STK33: variants seen among roughly 807,000 people sequenced by gnomAD.
STK33 encodes serine/threonine-protein kinase 33.
Under a neutral mutation model 58.0 loss-of-function variants are expected in STK33, and 52 were observed. That is an observed-to-expected ratio of 0.90 (90% CI 0.72 to 1.13). The LOEUF is 1.13. STK33 is among the 50% of genes most tolerant of loss of function. STK33 has a pLI of 0.00. For missense variants in STK33, 630 were observed against 604.2 expected, an observed-to-expected ratio of 1.04 and a Z score of -0.45; for synonymous variants, 215 against 200.1, an observed-to-expected ratio of 1.07 and a Z score of -0.63.
At chr11:8,355,396 G>A in the STK33 span, among the ~76,000 whole-genome samples, 4 of 152,264 alleles carry the variant, frequency 2.6e-5, no homozygotes, top group African/African-American at 7.2e-5. Flanking sequence ...GCCACATGGG[G>A]TTAGTGGCTA....
chr11:8,553,196 ATGG>A (rs1442637024), intron 1 of STK33, among the ~76,000 whole-genome samples: 1,319 of 65,894 alleles, frequency 0.02, 55 homozygotes, highest in South Asian at 0.024. Flanking sequence ...ATATATATAT[ATGG>A]TGTATATATA....
chr11:8,518,232 A>C (rs1001449133), intron 1 of STK33, among the ~76,000 whole-genome samples: 1 of 152,222 alleles, frequency 6.6e-6, no homozygotes, highest in Non-Finnish European at 1.5e-5. Flanking sequence ...TTTCATATCC[A>C]GCCAAACTAA....
At chr11:8,539,817 G>A (rs1357154820) in intron 1 of STK33, among the ~76,000 whole-genome samples, 1 of 152,106 alleles carries the variant, frequency 6.6e-6, no homozygotes, top group Non-Finnish European at 1.5e-5. Context: ...CATAACTGTA[G>A]TACGTAAATA....
chr11:8,454,729 C>T lies in STK33; in HGVS notation c.786+15G>A, dbSNP rs1334222292. The stretch of plus-strand genomic sequence containing the variant: ...CTGTTTACAGGCAAATATTTACCAC[C>T]ATTGCTAATCTTACCTTTATGTTTA... On this transcript the variant is annotated intron_variant, in intron 10 of 15. Coordinates refer to ENST00000687296, the MANE Select transcript of STK33 (RefSeq NM_001352389.2). 7.7e-6 allele frequency: 12 copies of T among 1,560,800 alleles called. No homozygotes were observed. Among genetic ancestry groups the T allele is most frequent in the Non-Finnish European group, 1.0e-5 (12 of 1,152,366 alleles).
chr11:8,572,479 G>T (rs1354279675), intron 1 of STK33, among the ~76,000 whole-genome samples: 1 of 152,090 alleles, frequency 6.6e-6, no homozygotes, highest in Non-Finnish European at 1.5e-5. Context: ...ATATGCCCCA[G>T]AAATGATACA....
intron 15 of STK33, among the ~76,000 whole-genome samples, chr11:8,405,899 T>C (rs987148674): frequency 2.6e-5 from 4 of 152,102 alleles, no homozygotes; most frequent in African/African-American, 4.8e-5. Context: ...TCCCAGCACT[T>C]TGGGAGGCCG....
chr11:8,503,446 A>G (rs1951660128), intron 1 of STK33, among the ~76,000 whole-genome samples: 1 of 152,162 alleles, frequency 6.6e-6, no homozygotes, highest in Non-Finnish European at 1.5e-5. Flanking sequence ...GAAGGGAACA[A>G]TAGACACTGG....
At chr11:8,398,091 A>G (rs367787028) in intron 15 of STK33, among the ~76,000 whole-genome samples, 5 of 152,166 alleles carry the variant, frequency 3.3e-5, no homozygotes, top group African/African-American at 1.2e-4. Flanking sequence ...CCAACATTCA[A>G]ATTCAGGAAA....
chr11:8,543,940 G>C (rs1193392186), intron 1 of STK33, among the ~76,000 whole-genome samples: 1 of 152,028 alleles, frequency 6.6e-6, no homozygotes, highest in African/African-American at 2.4e-5. Flanking sequence ...ACTAGAAAAG[G>C]TTAAAATGCC....
At chr11:8,403,711 A>G (rs539747623) in intron 15 of STK33, among the ~76,000 whole-genome samples, 1 of 152,288 alleles carries the variant, frequency 6.6e-6, no homozygotes, top group South Asian at 2.1e-4. Context: ...CCTTGGCCTA[A>G]TTTCTCTAGC....
At chr11:8,393,832 C>T (rs2134938741) in intron 15 of STK33, among the ~76,000 whole-genome samples, 1 of 152,262 alleles carries the variant, frequency 6.6e-6, no homozygotes, top group East Asian at 1.9e-4. Context: ...CTAGTGAATC[C>T]ATGACTTTCC....
intron 8 of STK33, among the ~76,000 whole-genome samples, chr11:8,459,890 T>C (rs915851393): frequency 2.0e-5 from 3 of 152,044 alleles, no homozygotes; most frequent in African/African-American, 7.2e-5. Context: ...GGGGGAAATA[T>C]GCAAAAAGGG....
In STK33 at chr11:8,439,867, A is replaced by AT. The variant is rs1377857032; in HGVS notation, c.947+810_947+811insA. Among the ~76,000 whole-genome samples the AT allele has an allele frequency of 5.7e-5, 7 of 123,402 alleles. No individual in the cohort carries two copies. In the South Asian group the frequency reaches 8.3e-4, roughly 15 times the overall value. The allele number at this position is 123,402 out of a possible 152,430, so 81.0% of individuals were successfully genotyped here. A position where few individuals can be genotyped will look rare whatever the true frequency, so the allele number is the denominator to read the frequency against. ...TTAGATTACATATATATTATATTAT[A>AT]ATTATATATATATATATATCAGAGG... On this transcript the variant is annotated intron_variant, in intron 12 of 15. Coordinates refer to ENST00000687296, the MANE Select transcript of STK33 (RefSeq NM_001352389.2).
In STK33 at chr11:8,461,858, T is replaced by C; in HGVS notation, c.505A>G (p.Ser169Gly). The C allele has an allele frequency of 6.2e-7, 1 of 1,602,910 alleles. No homozygotes were observed. Among genetic ancestry groups the C allele is most frequent in the South Asian group, 1.1e-5 (1 of 89,140 alleles). Residue 169 changes from serine (S) to glycine (G), a missense_variant, in exon 8 of 16, where the codon AGT (serine) becomes GGT (glycine). Transcript: ENST00000687296. ...TGTATGATGTGTTCATGTTTTACACTTTTCAGAATGTTCACCTCTCGTTCA... is the reference window on the plus strand; with the variant it reads ...TGTATGATGTGTTCATGTTTTACACCTTTCAGAATGTTCACCTCTCGTTCA... Reference protein sequence around the residue: ...LLEREVNILKSVKHEHIIHLE... With the variant: ...LLEREVNILKGVKHEHIIHLE...
intron 11 of STK33, among the ~76,000 whole-genome samples, chr11:8,443,306 C>A (rs1450227151): frequency 6.6e-6 from 1 of 152,130 alleles, no homozygotes; most frequent in East Asian, 1.9e-4. Context: ...GGTATACATA[C>A]ATATTTTTAA....
At chr11:8,372,240 T>C in the STK33 span, among the ~76,000 whole-genome samples, 1 of 152,154 alleles carries the variant, frequency 6.6e-6, no homozygotes, top group East Asian at 1.9e-4. Flanking sequence ...AGCTTGGTGT[T>C]GCTGCAAGGC....
intron 11 of STK33, among the ~76,000 whole-genome samples, chr11:8,451,168 T>C (rs1321628551): frequency 6.6e-6 from 1 of 152,196 alleles, no homozygotes; most frequent in East Asian, 1.9e-4. Context: ...AGTTTGGCAA[T>C]TTCATAAAAA....
At chr11:8,499,627 T>C (rs1446052440) in intron 1 of STK33, among the ~76,000 whole-genome samples, 1 of 152,168 alleles carries the variant, frequency 6.6e-6, no homozygotes, top group Non-Finnish European at 1.5e-5. Flanking sequence ...CACACGTAGG[T>C]TTATTGTGGC....
rs553224636 is a variant in STK33, at chr11:8,491,360, T to G, written c.-465-10746A>C. On this transcript the variant is annotated intron_variant, in intron 1 of 15. Coordinates refer to ENST00000687296, the MANE Select transcript of STK33 (RefSeq NM_001352389.2). ...AGGGTATCAGTGACTGAAGATCAAA[T>G]GAATGAAATAAAGCAAGAGGAGAAG... Among the ~76,000 whole-genome samples the G allele has an allele frequency of 1.1e-4, 16 of 152,210 alleles. No individual in the cohort carries two copies. The East Asian group carries it at 2.7e-3, about 26-fold the overall frequency.
Sources: allele counts gnomAD v4.1 joint callset (sites outside exome capture counted in the v4.1 genomes callset), GRCh38; gene constraint gnomAD v4.1.1; transcripts MANE v1.5; gene names NCBI Gene and HGNC (gene_info 2026-07-23, HGNC 2026-07-21).